Variants in TAFA1 observed in about 807,000 individuals in gnomAD.
TAFA1 encodes the protein TAFA chemokine like family member 1.
In TAFA1, 4 loss-of-function variants were observed where a neutral mutation model predicts 18.5. The ratio of observed to expected loss-of-function variants is 0.22; its 90% CI spans 0.11 to 0.49. TAFA1 has a LOEUF of 0.49. Ranked by LOEUF, TAFA1 falls within the 20% of genes least tolerant of loss-of-function variation. The pLI, the probability that TAFA1 is intolerant of heterozygous loss-of-function variation, is 0.98. For synonymous variants in TAFA1, 56 were observed against 55.2 expected (o/e 1.01, Z -0.06); for missense variants, 147 against 169.0 (o/e 0.87, Z 0.72).
intron 3 of TAFA1, among the ~76,000 whole-genome samples, chr3:68,492,149 C>T (rs768844615): frequency 2.0e-5 from 3 of 152,104 alleles, no homozygotes; most frequent in Admixed American, 6.5e-5. Context: ...GTACAATGCA[C>T]CTCTATATGG....
intron 2 of TAFA1, among the ~76,000 whole-genome samples, chr3:68,254,261 A>C (rs933420456): frequency 1.7e-4 from 26 of 152,140 alleles, no homozygotes; most frequent in Non-Finnish European, 3.1e-4. Flanking sequence ...AACACAGAAC[A>C]TGAGAATTCA....
chr3:68,023,378 T>G (rs1018533018), intron 2 of TAFA1, among the ~76,000 whole-genome samples: 1 of 152,098 alleles, frequency 6.6e-6, no homozygotes, highest in Admixed American at 6.6e-5. Flanking sequence ...AGGAGAGTTT[T>G]GTAGGTTCAA....
chr3:68,185,807 G>A (rs926719709), intron 2 of TAFA1, among the ~76,000 whole-genome samples: 1 of 152,030 alleles, frequency 6.6e-6, no homozygotes, highest in Admixed American at 6.6e-5. Flanking sequence ...AGCTACTCAG[G>A]AGGCTGAGAT....
Position 68,173,653 on chromosome 3 carries a change from C to A in TAFA1, c.118+166909C>A, listed in dbSNP as rs148668248. Among the ~76,000 whole-genome samples the A allele has an allele frequency of 9.5e-3, 1,448 of 152,168 alleles. 7 individuals carry two copies. The highest frequency in any genetic ancestry group is 0.016 in the Non-Finnish European group (1,068 of 67,986). ...CATTTATAGAATGGGGCATGGAGAC[C>A]GACAAGTCTTCACTCTCATATTGCT... On this transcript the variant is annotated intron_variant, in intron 2 of 4. Transcript: ENST00000478136.
chr3:68,484,223 C>T (rs183489614), intron 3 of TAFA1, among the ~76,000 whole-genome samples: 6 of 152,228 alleles, frequency 3.9e-5, no homozygotes, highest in African/African-American at 9.6e-5. Flanking sequence ...AGACTTATAG[C>T]GTATCTCATT....
At chr3:68,192,322 C>T (rs1312316846) in intron 2 of TAFA1, 1 of 152,456 alleles carries the variant, frequency 6.6e-6, no homozygotes, top group Non-Finnish European at 1.5e-5. Context: ...AGGTTGAAGA[C>T]TAGGTCACTC....
intron 2 of TAFA1, among the ~76,000 whole-genome samples, chr3:68,329,549 AG>A (rs1367739817): frequency 6.6e-6 from 1 of 152,144 alleles, no homozygotes; most frequent in Non-Finnish European, 1.5e-5. Context: ...CAGAGGCCAC[AG>A]TTCTTGACTA....
intron 3 of TAFA1, among the ~76,000 whole-genome samples, chr3:68,508,275 C>G (rs1041491045): frequency 2.0e-5 from 3 of 151,830 alleles, no homozygotes; most frequent in Admixed American, 2.0e-4. Context: ...ACTCCAAATG[C>G]TGCCAGATTG....
At chr3:67,993,635 G>T in the TAFA1 span, among the ~76,000 whole-genome samples, 2 of 152,190 alleles carry the variant, frequency 1.3e-5, no homozygotes, top group Admixed American at 6.5e-5. Flanking sequence ...GCCACATAAG[G>T]TCTGTGTAAA....
chr3:68,246,677 CG>C (rs1334656514), intron 2 of TAFA1: 2 of 142,564 alleles, frequency 1.4e-5, no homozygotes, highest in African/African-American at 5.2e-5. Context: ...CATAATGAGA[CG>C]ATACAGTGAA....
intron 3 of TAFA1, among the ~76,000 whole-genome samples, chr3:68,444,671 T>C (rs2071442565): frequency 6.6e-6 from 1 of 151,640 alleles, no homozygotes; most frequent in South Asian, 2.1e-4. Flanking sequence ...GTGGCTTATG[T>C]GTGTAATCTC....
rs537267662 is a variant in TAFA1, at chr3:68,153,618, G to T, written c.118+146874G>T. 2.0e-5 allele frequency among the ~76,000 whole-genome samples: 3 copies of T among 152,188 alleles called. No homozygotes were observed. The South Asian group carries it at 6.2e-4, about 32-fold the overall frequency. On this transcript the variant is annotated intron_variant, in intron 2 of 4. Transcript: ENST00000478136. ...ACTTATTGTAAACTGCCAGGAATTA[G>T]CATCACTTGTATTTGCAGAGAGAAC...
At chr3:68,122,137 G>T (rs1387860501) in intron 2 of TAFA1, among the ~76,000 whole-genome samples, 1 of 152,008 alleles carries the variant, frequency 6.6e-6, no homozygotes, top group Non-Finnish European at 1.5e-5. Context: ...TCTAACTCAA[G>T]AGTCAAATTT....
chr3:68,521,856 G>GTTTTT (rs57372768), intron 3 of TAFA1, among the ~76,000 whole-genome samples: 4,295 of 70,526 alleles, frequency 0.061, 629 homozygotes, highest in South Asian at 0.11. Flanking sequence ...GTTTTTTTCT[G>GTTTTT]TTTTTTTTTT....
At chr3:68,315,858 T>C (rs2068597150) in intron 2 of TAFA1, among the ~76,000 whole-genome samples, 1 of 152,228 alleles carries the variant, frequency 6.6e-6, no homozygotes, top group African/African-American at 2.4e-5. Flanking sequence ...TTCATGTTTG[T>C]GAACTGATAA....
intron 2 of TAFA1, among the ~76,000 whole-genome samples, chr3:68,099,111 C>T (rs575590907): frequency 2.6e-5 from 4 of 152,202 alleles, no homozygotes; most frequent in Non-Finnish European, 4.4e-5. Context: ...GAATTTACGA[C>T]TAAGTTCTCA....
chr3:68,468,356 T>C (rs183321536), intron 3 of TAFA1, among the ~76,000 whole-genome samples: 13 of 152,356 alleles, frequency 8.5e-5, no homozygotes, highest in African/African-American at 2.6e-4. Context: ...AAGAACATAC[T>C]TTTCTTTCAA....
intron 2 of TAFA1, among the ~76,000 whole-genome samples, chr3:68,071,742 C>T (rs912297325): frequency 4.6e-5 from 7 of 152,096 alleles, no homozygotes; most frequent in African/African-American, 1.4e-4. Flanking sequence ...GCAGACTTTA[C>T]AGGAATCATG....
rs560450095 is a variant in TAFA1 at position 68,160,072 on chromosome 3, G to A, written c.118+153328G>A. On this transcript the variant is annotated intron_variant, in intron 2 of 4. Coordinates refer to ENST00000478136, the MANE Select transcript of TAFA1 (RefSeq NM_213609.4). ...CCTCTAATAGGCAGACTGAATAAGT[G>A]TATAGTAGAAATGGAAAGCTCTTGG... Among the ~76,000 whole-genome samples, 11 of 152,308 alleles carry A rather than the reference G, an allele frequency of 7.2e-5. No individual in the cohort carries two copies. In the East Asian group the frequency reaches 9.6e-4, roughly 13 times the overall value.
Sources: allele counts gnomAD v4.1 joint callset (sites outside exome capture counted in the v4.1 genomes callset), GRCh38; gene constraint gnomAD v4.1.1; transcripts MANE v1.5; gene names NCBI Gene and HGNC (gene_info 2026-07-23, HGNC 2026-07-21).